Variants in SLCO3A1 observed in about 807,000 individuals in gnomAD.
SLCO3A1 encodes PGE1 transporter.
Under a neutral mutation model 63.1 loss-of-function variants are expected in SLCO3A1, and 27 were observed. The observed-to-expected ratio is 0.43, with a 90% CI of 0.32 to 0.59. The LOEUF (loss-of-function observed/expected upper bound fraction) is 0.59. SLCO3A1 is among the 20% of genes least tolerant of loss of function. The pLI, the probability that SLCO3A1 is intolerant of heterozygous loss-of-function variation, is 0.09. For missense variants in SLCO3A1, 773 were observed against 945.8 expected, an observed-to-expected ratio of 0.82 and a Z score of 2.40; for synonymous variants, 473 against 409.9, an observed-to-expected ratio of 1.15 and a Z score of -1.86.
chr15:92,015,517 C>T (rs72630490), intron 2 of SLCO3A1, among the ~76,000 whole-genome samples: 16,079 of 152,086 alleles, frequency 0.11, 1,200 homozygotes, highest in East Asian at 0.41. Context: ...CCAATCACCT[C>T]CTACCCAGGT....
At chr15:91,911,417 C>G (rs1165027806) in intron 1 of SLCO3A1, among the ~76,000 whole-genome samples, 1 of 152,024 alleles carries the variant, frequency 6.6e-6, no homozygotes, top group Non-Finnish European at 1.5e-5. Context: ...CCACCCCAGA[C>G]CTGCAAAATC....
intron 7 of SLCO3A1, among the ~76,000 whole-genome samples, chr15:92,133,898 G>A (rs952004340): frequency 6.6e-6 from 1 of 152,152 alleles, no homozygotes; most frequent in Non-Finnish European, 1.5e-5. Context: ...CCACGAAACT[G>A]GTCCTTGGTA....
intron 2 of SLCO3A1, among the ~76,000 whole-genome samples, chr15:92,051,810 C>T (rs902977968): frequency 3.3e-5 from 5 of 152,162 alleles, no homozygotes; most frequent in African/African-American, 1.2e-4. Context: ...GGCCTCCTCC[C>T]TCTCCTTTTA....
intron 2 of SLCO3A1, among the ~76,000 whole-genome samples, chr15:92,017,286 G>GAA (rs57195086): frequency 5.2e-5 from 7 of 135,782 alleles, no homozygotes; most frequent in African/African-American, 1.7e-4. Context: ...AGCTGGGATT[G>GAA]GGGGGGGGTA....
At chr15:92,012,414 C>G (rs924260766) in intron 2 of SLCO3A1, among the ~76,000 whole-genome samples, 1 of 152,072 alleles carries the variant, frequency 6.6e-6, no homozygotes, top group Non-Finnish European at 1.5e-5. Context: ...ATTTAGTCAC[C>G]TTGAAGCCAA....
chr15:91,903,642 A>G (rs1464879539), intron 1 of SLCO3A1, among the ~76,000 whole-genome samples: 1 of 152,102 alleles, frequency 6.6e-6, no homozygotes, highest in East Asian at 1.9e-4. Context: ...TGAACAAAGT[A>G]TGGGAGGCCT....
At chr15:91,858,030 G>A (rs1896967814) in intron 1 of SLCO3A1, among the ~76,000 whole-genome samples, 1 of 152,128 alleles carries the variant, frequency 6.6e-6, no homozygotes, top group African/African-American at 2.4e-5. Context: ...TCACTGCTTT[G>A]TAGTCACACT....
At chr15:92,089,558 G>C (rs532876530) in intron 2 of SLCO3A1, among the ~76,000 whole-genome samples, 2 of 152,322 alleles carry the variant, frequency 1.3e-5, no homozygotes, top group African/African-American at 4.8e-5. Context: ...TGCTGACATA[G>C]TCCTAGCAAG....
chr15:92,113,539 A>G (rs991832233), intron 4 of SLCO3A1, among the ~76,000 whole-genome samples: 2 of 152,202 alleles, frequency 1.3e-5, no homozygotes, highest in Non-Finnish European at 2.9e-5. Flanking sequence ...GAGGATGGTC[A>G]AAAGGAAACC....
chr15:92,115,546 A>AT (rs1200052079), intron 4 of SLCO3A1, among the ~76,000 whole-genome samples: 4 of 152,106 alleles, frequency 2.6e-5, no homozygotes, highest in Non-Finnish European at 5.9e-5. Context: ...ACTGGGCCAC[A>AT]TGCTTTACAC....
intron 2 of SLCO3A1, among the ~76,000 whole-genome samples, chr15:92,063,624 C>G (rs891632658): frequency 2.0e-5 from 3 of 152,186 alleles, no homozygotes; most frequent in Non-Finnish European, 4.4e-5. Flanking sequence ...CTTTGGGAGG[C>G]TGACGTGGAT....
chr15:91,928,747 ACT>A (rs1899120698), intron 2 of SLCO3A1, among the ~76,000 whole-genome samples: 1 of 151,764 alleles, frequency 6.6e-6, no homozygotes, highest in African/African-American at 2.4e-5. Context: ...AATTTTAAAA[ACT>A]CTCATCAGAT....
rs56843948 is a variant in SLCO3A1, at chr15:91,859,463, G to A, written c.180+5375G>A. ...ATGTAGCCTAAGTGTTTATGTGTTA[G>A]CATGAGACAAATTATTGCTTAATGG... On this transcript the variant is annotated intron_variant, in intron 1 of 9. Transcript: ENST00000318445. The surrounding 1 kb of genome is among the most constrained non-coding windows in gnomAD (Gnocchi z 5.1). Among the ~76,000 whole-genome samples the A allele has an allele frequency of 0.1, 15,542 of 152,168 alleles. 2,567 individuals carry two copies. The highest frequency in any genetic ancestry group is 0.35 in the African/African-American group (14,492 of 41,452).
At chr15:91,880,543 C>T (rs1281587419) in intron 1 of SLCO3A1, among the ~76,000 whole-genome samples, 1 of 152,102 alleles carries the variant, frequency 6.6e-6, no homozygotes, top group Non-Finnish European at 1.5e-5. Context: ...CCCAGGGCAG[C>T]ACTATTCTGT....
intron 7 of SLCO3A1, among the ~76,000 whole-genome samples, chr15:92,129,152 C>T (rs1199477570): frequency 2.0e-5 from 3 of 152,188 alleles, no homozygotes; most frequent in Non-Finnish European, 2.9e-5. Flanking sequence ...GAGGCCCCGC[C>T]CCCATCTCTT....
At chr15:91,980,551 G>A (rs1177787444) in intron 2 of SLCO3A1, among the ~76,000 whole-genome samples, 1 of 152,032 alleles carries the variant, frequency 6.6e-6, no homozygotes, top group African/African-American at 2.4e-5. Context: ...TTCCTGTTCT[G>A]AGTGGGTCCT....
At chr15:92,076,163 GCATTTGACTCA>G (rs995436595) in intron 2 of SLCO3A1, among the ~76,000 whole-genome samples, 1 of 152,168 alleles carries the variant, frequency 6.6e-6, no homozygotes, top group African/African-American at 2.4e-5. Flanking sequence ...GGTGAAATTT[GCATTTGACTCA>G]CATCTTGACT....
chr15:91,946,143 T>C (rs1173226588), intron 2 of SLCO3A1, among the ~76,000 whole-genome samples: 2 of 152,202 alleles, frequency 1.3e-5, no homozygotes, highest in Non-Finnish European at 2.9e-5. Flanking sequence ...CAGGTCACCT[T>C]GGTTCTGTGG....
At chr15:92,140,368 T>C (rs960570091) in intron 7 of SLCO3A1, among the ~76,000 whole-genome samples, 2 of 147,040 alleles carry the variant, frequency 1.4e-5, no homozygotes, top group Admixed American at 6.8e-5. Context: ...TCTGTTCTTT[T>C]ACATTTGCTG....
Sources: allele counts gnomAD v4.1 joint callset (sites outside exome capture counted in the v4.1 genomes callset), GRCh38; gene constraint gnomAD v4.1.1; non-coding constraint Gnocchi (gnomAD v3.1); transcripts MANE v1.5; gene names NCBI Gene and HGNC (gene_info 2026-07-23, HGNC 2026-07-21).